The following IL19 variants were observed in gnomAD, a reference collection of about 807,000 sequenced individuals.
The protein encoded by IL19 is interleukin-19.
In IL19, 15 loss-of-function variants were observed where a neutral mutation model predicts 19.5. The ratio of observed to expected loss-of-function variants is 0.77; its 90% CI spans 0.52 to 1.19. The LOEUF (loss-of-function observed/expected upper bound fraction) is 1.19, where lower values mean the gene tolerates loss of function less well. Among genes scored for constraint, IL19 ranks in the 50% most tolerant of loss-of-function variants. The probability of loss-of-function intolerance (pLI) is 0.00; values close to 1 mark genes in which losing one functional copy is unlikely to be tolerated. For missense variants in IL19, 199 were observed against 213.1 expected, an observed-to-expected ratio of 0.93 and a Z score of 0.41; for synonymous variants, 78 against 78.3, an observed-to-expected ratio of 1.00 and a Z score of 0.02.
chr1:206,813,257 C>T (rs1332676854), intron 2 of IL19, among the ~76,000 whole-genome samples: 4 of 152,224 alleles, frequency 2.6e-5, no homozygotes, highest in Non-Finnish European at 5.9e-5. Context: ...CTGGAGACTT[C>T]AAAGCTGGAG....
At chr1:206,828,818 A>G (rs542473717) in intron 2 of IL19, 8 of 151,556 alleles carry the variant, frequency 5.3e-5, no homozygotes, top group African/African-American at 1.9e-4. Flanking sequence ...CTAATTTTGT[A>G]TTTCTATTTT....
At chr1:206,799,830 C>T (rs1167058919) in intron 2 of IL19, among the ~76,000 whole-genome samples, 3 of 152,220 alleles carry the variant, frequency 2.0e-5, no homozygotes, top group Non-Finnish European at 4.4e-5. Context: ...TGTGAAGACC[C>T]TCTGATCAAT....
intron 4 of IL19, among the ~76,000 whole-genome samples, chr1:206,837,351 G>C (rs1230520203): frequency 1.3e-5 from 2 of 152,138 alleles, no homozygotes. Flanking sequence ...TTAACCCGAG[G>C]AGGTTGTAGA....
chr1:206,833,459 G>C (rs112228523), intron 2 of IL19, among the ~76,000 whole-genome samples: 31 of 152,204 alleles, frequency 2.0e-4, no homozygotes, highest in Non-Finnish European at 4.3e-4. Flanking sequence ...CAGCATGAGC[G>C]ACTCCATTTA....
intron 2 of IL19, among the ~76,000 whole-genome samples, chr1:206,808,006 T>C (rs1675893651): frequency 2.0e-5 from 3 of 152,246 alleles, no homozygotes; most frequent in African/African-American, 7.2e-5. Context: ...ATTCATTATA[T>C]AGTGCTTTTG....
chr1:206,825,682 A>G (rs912603416), intron 2 of IL19, among the ~76,000 whole-genome samples: 16 of 152,224 alleles, frequency 1.1e-4, no homozygotes, highest in Admixed American at 1.0e-3. Flanking sequence ...TTTCTACAGC[A>G]TAGATCCAGG....
chr1:206,839,827 G>A, intron 4 of IL19, 23 bp from the exon 5 acceptor site: 1 of 1,595,424 alleles, frequency 6.3e-7, no homozygotes, highest in Non-Finnish European at 8.5e-7. Context: ...GGCCTCTAGT[G>A]TTTCCCTAAT....
chr1:206,811,491 C>T (rs961597719), intron 2 of IL19, among the ~76,000 whole-genome samples: 1 of 150,924 alleles, frequency 6.6e-6, no homozygotes, highest in East Asian at 1.9e-4. Flanking sequence ...CTTGAGCTGC[C>T]TTTCATTCTA....
chr1:206,776,435 T>C (rs1249644924), intron 1 of IL19, among the ~76,000 whole-genome samples: 1 of 151,768 alleles, frequency 6.6e-6, no homozygotes, highest in Non-Finnish European at 1.5e-5. Flanking sequence ...GGGGTGTGTG[T>C]GTGTGTGTGT....
At chr1:206,776,968 A>G (rs1261029083) in intron 1 of IL19, among the ~76,000 whole-genome samples, 1 of 149,980 alleles carries the variant, frequency 6.7e-6, no homozygotes, top group Non-Finnish European at 1.5e-5. Flanking sequence ...ACGGTGGCTC[A>G]CGCCTGTAAT....
intron 1 of IL19, among the ~76,000 whole-genome samples, chr1:206,776,427 GGTGTGT>G (rs2234655): frequency 3.4e-5 from 5 of 148,358 alleles, no homozygotes; most frequent in African/African-American, 9.9e-5. Flanking sequence ...GAACTGCTGG[GGTGTGT>G]GTGTGTGTGT....
At chr1:206,772,638 T>A in intron 1 of IL19, 1 of 592,878 alleles carries the variant, frequency 1.7e-6, no homozygotes, top group Middle Eastern at 4.5e-4. Flanking sequence ...ATAAACTTAG[T>A]TTTCAATTTT....
intron 2 of IL19, among the ~76,000 whole-genome samples, chr1:206,829,614 C>A (rs1382585804): frequency 1.3e-5 from 2 of 152,044 alleles, no homozygotes; most frequent in African/African-American, 4.8e-5. Context: ...TACTGGGAGG[C>A]CCCAGGGCGT....
chr1:206,836,006 A>G (rs1195631218), intron 2 of IL19, among the ~76,000 whole-genome samples: 1 of 152,246 alleles, frequency 6.6e-6, no homozygotes, highest in Non-Finnish European at 1.5e-5. Context: ...TTGGCTCAGC[A>G]GGTGACCGAC....
intron 2 of IL19, among the ~76,000 whole-genome samples, chr1:206,822,663 C>G (rs192983168): frequency 6.6e-6 from 1 of 152,194 alleles, no homozygotes; most frequent in Non-Finnish European, 1.5e-5. Context: ...TAGCACAGAG[C>G]CCAGGTCTTG....
At chr1:206,819,256 C>T (rs1676235650) in intron 2 of IL19, among the ~76,000 whole-genome samples, 1 of 152,034 alleles carries the variant, frequency 6.6e-6, no homozygotes, top group Non-Finnish European at 1.5e-5. Context: ...CTACTAGCCA[C>T]AAGTGGCCAT....
rs139791059 is a variant in IL19, at chr1:206,799,137, G to T, written c.-3+131G>T. On this transcript the variant is annotated intron_variant, in intron 2 of 6. Coordinates refer to ENST00000659997, the MANE Select transcript of IL19 (RefSeq NM_153758.5). ...TGAACTGACAGGACTGCCTTTGTCT[G>T]TCATAAAGTTCCTTATTGCCAGACT... 20 of 696,998 alleles carry T rather than the reference G, an allele frequency of 2.9e-5. No homozygotes were observed. In the Admixed American group the frequency reaches 4.6e-4, roughly 16 times the overall value. 43.2% of individuals were successfully genotyped at this position (696,998 alleles called of 1,614,324 possible).
chr1:206,771,298 A>T, intron 1 of IL19: 1 of 1,458,774 alleles, frequency 6.9e-7, no homozygotes, highest in Non-Finnish European at 9.6e-7. Flanking sequence ...CAGGAAGCAG[A>T]GTCTCCCTTC....
intron 1 of IL19, chr1:206,772,171 G>T: frequency 2.0e-6 from 2 of 999,790 alleles, no homozygotes; most frequent in Non-Finnish European, 3.2e-6. Context: ...TGTTGGGGAT[G>T]GAGGTGGAGG....
Sources: gnomAD v4.1 joint callset for allele counts (sites outside exome capture counted in the v4.1 genomes callset) on GRCh38, gnomAD v4.1.1 for gene constraint, MANE v1.5 for transcripts, NCBI Gene and HGNC (gene_info 2026-07-23, HGNC 2026-07-21) for gene names.